The following IDH3B variants were observed in gnomAD, a reference collection of about 807,000 sequenced individuals.
IDH3B encodes isocitrate dehydrogenase (NAD(+)) 3 non-catalytic subunit beta, also known as isocitrate dehydrogenase [NAD] subunit beta, mitochondrial.
IDH3B carries 40 observed loss-of-function variants against 47.5 expected under a neutral mutation model. That is an observed-to-expected ratio of 0.84 (90% CI 0.65 to 1.10). The LOEUF (loss-of-function observed/expected upper bound fraction) is 1.10. IDH3B is among the 50% of genes least tolerant of loss of function. IDH3B has a pLI of 0.00. For synonymous variants in IDH3B, 185 were observed against 191.0 expected (o/e 0.97, Z 0.26); for missense variants, 450 against 505.2 (o/e 0.89, Z 1.05).
chr20:2,660,883 C>T lies in IDH3B; in HGVS notation c.398+26G>A, dbSNP rs2086934626. The T allele has an allele frequency of 1.2e-6, 2 of 1,614,092 alleles. No homozygotes were observed. Among genetic ancestry groups the T allele is most frequent in the East Asian group, 4.5e-5 (2 of 44,880 alleles). ...CTCCTGGTGCCCTGGCACCTCTCAA[C>T]CATTCACCCCACCCAGACCACCTAC... On this transcript the variant is annotated intron_variant, in intron 5 of 11. Transcript: ENST00000380843. The surrounding 1 kb of genome is among the most constrained non-coding windows in gnomAD (Gnocchi z 5.6).
chr20:2,661,177 C>G (rs74646390), intron 4 of IDH3B, among the ~76,000 whole-genome samples: 1 of 150,066 alleles, frequency 6.7e-6, no homozygotes, highest in Non-Finnish European at 1.5e-5. Flanking sequence ...ATTGCATTTT[C>G]TGTGTGTGTG....
At chr20:2,659,363 G>A (rs2086892002) in intron 11 of IDH3B, 162 bp downstream of exon 11, 2 of 1,575,052 alleles carry the variant, frequency 1.3e-6, no homozygotes, top group South Asian at 2.2e-5. Context: ...GAAGGGAGAT[G>A]AAGAACAGCC....
Position 2,663,507 on chromosome 20 carries a change from T to G in IDH3B, c.276A>C (p.Ala92=). The change falls in exon 4 of 12, where the codon GCA becomes GCC. Residue 92 remains alanine (A), a synonymous_variant. Transcript: ENST00000380843. ...GCACCTGCTCCAGCTTCTCCTCAGA[T>G]GCCATATTCTGCACCTCACTCAGGT... The part of the protein sequence containing the change: ...EHHLSEVQNM[A]SEEKLEQVLS... The G allele has an allele frequency of 6.2e-7, 1 of 1,614,208 alleles. No homozygotes were observed.
At chr20:2,663,602 G>T in intron 3 of IDH3B, 36 bp from the exon 4 acceptor site, 1 of 1,614,118 alleles carries the variant, frequency 6.2e-7, no homozygotes, top group East Asian at 2.2e-5. Context: ...CACAGTCAAG[G>T]CCAAGTCCTT....
rs764171480 is a variant in IDH3B at position 2,660,813 on chromosome 20, A to G, written c.415T>C (p.Phe139Leu). Residue 139 changes from phenylalanine to leucine, a missense_variant, in exon 6 of 12, where the codon TTT (phenylalanine) becomes CTT (leucine). By Grantham distance (22) the Phe-to-Leu change is conservative. Coordinates refer to ENST00000380843, the MANE Select transcript of IDH3B (RefSeq NM_006899.5). The surrounding 1 kb of genome is among the most constrained non-coding windows in gnomAD (Gnocchi z 5.6). Reference sequence around the variant, plus strand: ...GACTTCACATGGACTACGTTGGCAAATAAGTCCAACTTACGCCTGAGGGTG... The same window carrying G: ...GACTTCACATGGACTACGTTGGCAAGTAAGTCCAACTTACGCCTGAGGGTG... Reference protein sequence around the residue: ...DMRLRRKLDLFANVVHVKSLP... With the variant: ...DMRLRRKLDLLANVVHVKSLP... 7 of 1,614,050 alleles carry G rather than the reference A, an allele frequency of 4.3e-6. No homozygotes were observed. The highest frequency in any genetic ancestry group is 2.2e-5 in the East Asian group (1 of 44,888).
At position 2,658,802 on chromosome 20, in the gene IDH3B, TGTG is replaced by T. The variant is rs1252814261; in HGVS notation, c.1104_1106del (p.Thr370del). On this transcript the variant is annotated inframe_deletion, in exon 12 of 12. Transcript: ENST00000380843. ...CGATGACAGACTTGATGAAGTCGGT[TGTG>T]GTGCTGTAGCCGCCCATGTCTCGAG... 4 of 1,614,196 alleles carry T rather than the reference TGTG, an allele frequency of 2.5e-6. No individual in the cohort carries two copies. The highest frequency in any genetic ancestry group is 1.1e-5 in the South Asian group (1 of 91,088).
intron 11 of IDH3B, 24 bp from the exon 12 acceptor site, chr20:2,658,861 C>T (rs6107093): frequency 1.9e-6 from 3 of 1,613,764 alleles, no homozygotes; most frequent in East Asian, 2.2e-5. Flanking sequence ...CGGCAACAGC[C>T]GTGGGGAGGG....
chr20:2,658,815 C>T lies in IDH3B; in HGVS notation c.1094G>A (p.Gly365Asp). 1 of 1,614,168 alleles carries T rather than the reference C, an allele frequency of 6.2e-7. No individual in the cohort carries two copies. The highest frequency in any genetic ancestry group is 8.5e-7 in the Non-Finnish European group (1 of 1,180,028). The change falls in exon 12 of 12, where the codon GGC becomes GAC. Residue 365 changes from glycine (G) to aspartate (D), a missense_variant. Transcript: ENST00000380843. ...VGKVRTRDMG[G>D]YSTTTDFIKS... The stretch of plus-strand genomic sequence containing the variant: ...GATGAAGTCGGTTGTGGTGCTGTAG[C>T]CGCCCATGTCTCGAGTCCGCACCTA...
In IDH3B at chr20:2,660,837, TG is replaced by T. The variant is rs2086933389; in HGVS notation, c.399-9del. ...AATAAGTCCAACTTACGCCTGAGGGTGGGCAGGGCCATCAGCTCTGCTCCTG... is the reference window on the plus strand; with the variant it reads ...AATAAGTCCAACTTACGCCTGAGGGTGGCAGGGCCATCAGCTCTGCTCCTG... On this transcript the variant is annotated splice_polypyrimidine_tract_variant and intron_variant, in intron 5 of 11. Transcript: ENST00000380843. The surrounding 1 kb of genome is among the most constrained non-coding windows in gnomAD (Gnocchi z 5.6). 2 of 1,614,052 alleles carry T rather than the reference TG, an allele frequency of 1.2e-6. No homozygotes were observed. The highest frequency in any genetic ancestry group is 1.7e-6 in the Non-Finnish European group (2 of 1,180,038).
In IDH3B at chr20:2,658,863, T is replaced by G. The variant is rs778003690; in HGVS notation, c.1072-26A>C. The stretch of plus-strand genomic sequence containing the variant: ...CTACAGCCACCACCGGCAACAGCCG[T>G]GGGGAGGGAGAAAAGAGAGCCCATG... On this transcript the variant is annotated intron_variant, in intron 11 of 11. Coordinates refer to ENST00000380843, the MANE Select transcript of IDH3B (RefSeq NM_006899.5). 2.3e-5 allele frequency: 37 copies of G among 1,612,952 alleles called. No homozygotes were observed. In the African/African-American group the frequency reaches 4.6e-4, roughly 20 times the overall value.
chr20:2,662,225 G>C (rs1375243005), intron 4 of IDH3B, among the ~76,000 whole-genome samples: 1 of 152,204 alleles, frequency 6.6e-6, no homozygotes, highest in East Asian at 1.9e-4. Context: ...GTGAATGAGT[G>C]AGAAGGACTC....
At chr20:2,661,099 T>G (rs2086938917) in intron 4 of IDH3B, 130 bp from the exon 5 acceptor site, 6 of 784,902 alleles carry the variant, frequency 7.6e-6, no homozygotes, top group Non-Finnish European at 1.3e-5. Context: ...ATCAGTAAAC[T>G]TTTAAATTGT....
At position 2,659,689 on chromosome 20, in the gene IDH3B, C is replaced by A; in HGVS notation, c.1010+10G>T. On this transcript the variant is annotated intron_variant, in intron 10 of 11. Transcript: ENST00000380843. Reference sequence around the variant, plus strand: ...CACCCAACCTCTGCCGACAGCCTCCCATGACCTACTTAAGATGCCGCAGCA... The same window carrying A: ...CACCCAACCTCTGCCGACAGCCTCCAATGACCTACTTAAGATGCCGCAGCA... The A allele has an allele frequency of 1.2e-6, 2 of 1,613,550 alleles. No homozygotes were observed. Among genetic ancestry groups the A allele is most frequent in the Non-Finnish European group, 1.7e-6 (2 of 1,179,454 alleles).
At chr20:2,658,963 G>A in intron 11 of IDH3B, 126 bp from the exon 12 acceptor site, 4 of 1,438,438 alleles carry the variant, frequency 2.8e-6, no homozygotes, top group Non-Finnish European at 3.7e-6. Context: ...GCAATGCACA[G>A]GAATGGAAGG....
intron 11 of IDH3B, chr20:2,659,125 AGAGAC>A (rs2146305270): frequency 2.1e-6 from 3 of 1,435,262 alleles, no homozygotes; most frequent in Non-Finnish European, 9.1e-7. Context: ...TGGAAGAAAT[AGAGAC>A]AAGACCAGGT....
In IDH3B at chr20:2,659,738, G is replaced by A. The variant is rs759444922; in HGVS notation, c.971C>T (p.Ala324Val). The change falls in exon 10 of 12, where the codon GCC becomes GTC. Residue 324 changes from alanine (A) to valine (V), a missense_variant. By Grantham distance (64) the Ala-to-Val change is moderately conservative. Transcript: ENST00000380843. ...AVGRNIANPT[A>V]MLLSASNMLR... ...CATGTTGGAAGCCGACAGCAGCATG[G>A]CCGTGGGATTGGCTATATTCCTGCC... is the stretch of plus-strand genomic sequence containing the variant. 1.1e-5 allele frequency: 17 copies of A among 1,614,074 alleles called. No individual in the cohort carries two copies. In the South Asian group the frequency reaches 1.9e-4, roughly 18 times the overall value.
At chr20:2,659,490 A>T in intron 11 of IDH3B, 35 bp downstream of exon 11, 1 of 1,608,144 alleles carries the variant, frequency 6.2e-7, no homozygotes, top group Non-Finnish European at 8.5e-7. Context: ...GAACTACTCT[A>T]AATCCTGAAG....
chr20:2,658,677 G>A lies in IDH3B; in HGVS notation c.*74C>T. 6.2e-7 allele frequency: 1 copy of A among 1,614,102 alleles called. No homozygotes were observed. Among genetic ancestry groups the A allele is most frequent in the Non-Finnish European group, 8.5e-7 (1 of 1,179,970 alleles). On this transcript the variant is annotated 3_prime_UTR_variant, in exon 12 of 12. Coordinates refer to ENST00000380843, the MANE Select transcript of IDH3B (RefSeq NM_006899.5). Reference sequence around the variant, plus strand: ...ATGGTCCACTGCTTAGAGGCACAAGGTCTCTTCCCTGGTACACTGCACTGA... The same window carrying A: ...ATGGTCCACTGCTTAGAGGCACAAGATCTCTTCCCTGGTACACTGCACTGA...
intron 4 of IDH3B, 91 bp from the exon 5 acceptor site, chr20:2,661,060 T>G (rs1452527590): frequency 4.8e-6 from 5 of 1,042,990 alleles, no homozygotes; most frequent in Non-Finnish European, 6.0e-6. Context: ...GAACATCATG[T>G]AACCCAGACT....
Sources: gnomAD v4.1 joint callset for allele counts (sites outside exome capture counted in the v4.1 genomes callset) on GRCh38, gnomAD v4.1.1 for gene constraint, Gnocchi (gnomAD v3.1) non-coding constraint, MANE v1.5 for transcripts, NCBI Gene and HGNC (gene_info 2026-07-23, HGNC 2026-07-21) for gene names.